The following GPC6 variants were observed in gnomAD, a reference collection of about 807,000 sequenced individuals.
The protein encoded by GPC6 is glypican-6.
A neutral mutation model predicts 55.2 loss-of-function variants in GPC6; 14 were observed. That is an observed-to-expected ratio of 0.25 (90% confidence interval 0.17 to 0.40). The LOEUF (loss-of-function observed/expected upper bound fraction) is 0.40, where lower values mean the gene tolerates loss of function less well. Among genes scored for constraint, GPC6 ranks in the 10% least tolerant of loss-of-function variants. The pLI is 1.00. For missense variants in GPC6, 641 were observed against 708.5 expected, an observed-to-expected ratio of 0.90 and a Z score of 1.08; for synonymous variants, 278 against 259.6, an observed-to-expected ratio of 1.07 and a Z score of -0.68.
rs1333061203 is a variant in GPC6 at position 94,403,437 on chromosome 13, G to C, written c.*220G>C. The C allele has an allele frequency of 3.4e-6, 2 of 580,994 alleles. No individual in the cohort carries two copies. The highest frequency in any genetic ancestry group is 6.2e-6 in the Non-Finnish European group (2 of 323,340). The allele number at this position is 580,994 out of a possible 1,614,324, so 36.0% of individuals were successfully genotyped here. The stretch of plus-strand genomic sequence containing the variant: ...TCCTTCAGCTATCTGTGGGGACCTT[G>C]TTTATTCTAGAGAGAATTCTTACTC... On this transcript the variant is annotated 3_prime_UTR_variant, in exon 9 of 9. Coordinates refer to ENST00000377047, the MANE Select transcript of GPC6 (RefSeq NM_005708.5).
intron 2 of GPC6, among the ~76,000 whole-genome samples, chr13:93,597,007 C>CAAAAAAAAAAAAAAA (rs10709473): frequency 1.6e-4 from 11 of 68,022 alleles, no homozygotes; most frequent in East Asian, 5.1e-4. Context: ...TCAAATCTGG[C>CAAAAAAAAAAAAAAA]AAAAAAAAAA....
chr13:94,001,008 T>A (rs1302117421), intron 3 of GPC6, among the ~76,000 whole-genome samples: 3 of 152,152 alleles, frequency 2.0e-5, no homozygotes, highest in Non-Finnish European at 4.4e-5. Context: ...TGGGAAAACA[T>A]GGGACAGAGC....
intron 6 of GPC6, among the ~76,000 whole-genome samples, chr13:94,374,617 C>T (rs1879748050): frequency 6.7e-6 from 1 of 150,304 alleles, no homozygotes; most frequent in African/African-American, 2.5e-5. Flanking sequence ...TAATGGGAGA[C>T]TTTAACACCC....
chr13:93,260,124 A>C (rs778918923), intron 1 of GPC6, among the ~76,000 whole-genome samples: 1 of 152,164 alleles, frequency 6.6e-6, no homozygotes, highest in South Asian at 2.1e-4. Flanking sequence ...TGACCAATTC[A>C]TATCGAGAAA....
intron 4 of GPC6, among the ~76,000 whole-genome samples, chr13:94,143,077 G>A (rs550630980): frequency 1.3e-5 from 2 of 151,380 alleles, no homozygotes; most frequent in African/African-American, 4.8e-5. Flanking sequence ...CGCCTGCCTC[G>A]GCCTCCCAAA....
At chr13:93,809,880 C>G (rs1886645531) in intron 2 of GPC6, among the ~76,000 whole-genome samples, 1 of 152,150 alleles carries the variant, frequency 6.6e-6, no homozygotes. Flanking sequence ...GTACCTGGCC[C>G]CAGAGAAGTT....
At chr13:93,974,781 T>C (rs1880443164) in intron 3 of GPC6, among the ~76,000 whole-genome samples, 2 of 152,162 alleles carry the variant, frequency 1.3e-5, no homozygotes, top group African/African-American at 2.4e-5. Flanking sequence ...ACATCCTATT[T>C]GGAATCGAAA....
At chr13:93,238,195 A>G (rs1173483852) in intron 1 of GPC6, among the ~76,000 whole-genome samples, 1 of 152,102 alleles carries the variant, frequency 6.6e-6, no homozygotes, top group Non-Finnish European at 1.5e-5. Flanking sequence ...TCCAATCCAT[A>G]AGCATGGGGT....
chr13:94,126,709 T>C (rs1405081660), intron 4 of GPC6, among the ~76,000 whole-genome samples: 1 of 149,208 alleles, frequency 6.7e-6, no homozygotes, highest in African/African-American at 2.4e-5. Flanking sequence ...TTATTACCTG[T>C]TTGCTTCATT....
chr13:93,561,797 T>C (rs2139459700), intron 2 of GPC6, among the ~76,000 whole-genome samples: 1 of 152,246 alleles, frequency 6.6e-6, no homozygotes, highest in South Asian at 2.1e-4. Context: ...AGAGCAAAGG[T>C]CACAGGCTCC....
chr13:94,294,633 C>CTT (rs35005098), intron 5 of GPC6, among the ~76,000 whole-genome samples: 2 of 149,036 alleles, frequency 1.3e-5, no homozygotes, highest in Non-Finnish European at 3.0e-5. Context: ...GCATCCAGAT[C>CTT]TTTTTTTTTT....
chr13:94,071,460 C>T (rs1285361761), intron 4 of GPC6, among the ~76,000 whole-genome samples: 1 of 152,118 alleles, frequency 6.6e-6, no homozygotes, highest in African/African-American at 2.4e-5. Context: ...GTCTGACTTC[C>T]ACATGCCCTT....
chr13:94,156,930 C>T (rs538397), intron 4 of GPC6, among the ~76,000 whole-genome samples: 124,406 of 152,144 alleles, frequency 0.82, 51,755 homozygotes, highest in East Asian at 0.98. Flanking sequence ...GGCGAGGTTT[C>T]TTCCAGAGCT....
chr13:94,105,956 G>A (rs56131092), intron 4 of GPC6, among the ~76,000 whole-genome samples: 1 of 146,274 alleles, frequency 6.8e-6, no homozygotes, highest in African/African-American at 2.5e-5. Context: ...TCCTACATTG[G>A]AAAGGGTAGC....
At chr13:94,071,731 T>A (rs1884742787) in intron 4 of GPC6, among the ~76,000 whole-genome samples, 1 of 152,236 alleles carries the variant, frequency 6.6e-6, no homozygotes, top group Non-Finnish European at 1.5e-5. Flanking sequence ...AGAATTGTTT[T>A]TTTCTTACTC....
At chr13:94,054,410 C>A (rs1156233563) in intron 4 of GPC6, among the ~76,000 whole-genome samples, 1 of 152,124 alleles carries the variant, frequency 6.6e-6, no homozygotes, top group Non-Finnish European at 1.5e-5. Context: ...CCACAAAGCG[C>A]TGTGCTCCGC....
intron 2 of GPC6, among the ~76,000 whole-genome samples, chr13:93,600,747 C>T (rs761914571): frequency 6.6e-6 from 1 of 151,558 alleles, no homozygotes. Context: ...GTCAGGAGTT[C>T]GAGCACAGCC....
intron 3 of GPC6, among the ~76,000 whole-genome samples, chr13:93,872,950 C>T (rs1889175660): frequency 6.6e-6 from 1 of 151,804 alleles, no homozygotes; most frequent in Non-Finnish European, 1.5e-5. Flanking sequence ...AAAAATTCTC[C>T]ACTGCTTCTC....
intron 3 of GPC6, among the ~76,000 whole-genome samples, chr13:93,831,425 A>G (rs1457621537): frequency 6.6e-6 from 1 of 152,196 alleles, no homozygotes; most frequent in African/African-American, 2.4e-5. Flanking sequence ...CGTAACAGGA[A>G]TCTGGTATTA....
Sources: gnomAD v4.1 joint callset for allele counts (sites outside exome capture counted in the v4.1 genomes callset) on GRCh38, gnomAD v4.1.1 for gene constraint, MANE v1.5 for transcripts, NCBI Gene and HGNC (gene_info 2026-07-23, HGNC 2026-07-21) for gene names.